The following ANK2 variants were observed in gnomAD, a reference collection of about 807,000 sequenced individuals.
ANK2 encodes the protein ankyrin-2.
In ANK2, 83 loss-of-function variants were observed where a neutral mutation model predicts 360.5. That is an observed-to-expected ratio of 0.23 (90% CI 0.19 to 0.28). The LOEUF (loss-of-function observed/expected upper bound fraction) is 0.28. ANK2 is among the 10% of genes least tolerant of loss of function. The pLI, the probability that ANK2 is intolerant of heterozygous loss-of-function variation, is 1.00. For synonymous variants in ANK2, 1,740 were observed against 1,759.5 expected (o/e 0.99, Z 0.28); for missense variants, 4,201 against 4,795.7 (o/e 0.88, Z 3.66).
intron 26 of ANK2, among the ~76,000 whole-genome samples, chr4:113,324,887 A>G (rs774119224): frequency 1.3e-5 from 2 of 152,180 alleles, no homozygotes; most frequent in Non-Finnish European, 2.9e-5. Context: ...TAAAAATAAA[A>G]CTAAAGGAAT....
intron 31 of ANK2, among the ~76,000 whole-genome samples, chr4:113,337,235 C>CA (rs2093659088): frequency 6.6e-6 from 1 of 152,144 alleles, no homozygotes; most frequent in African/African-American, 2.4e-5. Context: ...TAGTTCAAAC[C>CA]AAACTGTTAT....
chr4:113,352,717 G>T (rs191872171), intron 37 of ANK2, among the ~76,000 whole-genome samples: 1 of 151,014 alleles, frequency 6.6e-6, no homozygotes, highest in Non-Finnish European at 1.5e-5. Flanking sequence ...ATTTCACTGC[G>T]TTCTTTGTTT....
chr4:112,853,424 C>A (rs1463498629), intron 1 of ANK2, among the ~76,000 whole-genome samples: 2 of 151,814 alleles, frequency 1.3e-5, no homozygotes, highest in Non-Finnish European at 1.5e-5. Context: ...TTGTCTTGAG[C>A]TTTTGGGCTC....
intron 2 of ANK2, among the ~76,000 whole-genome samples, chr4:113,026,832 G>T (rs990514689): frequency 5.3e-5 from 8 of 152,084 alleles, no homozygotes; most frequent in Admixed American, 5.2e-4. Flanking sequence ...GATTAGTATA[G>T]GGAAGAAGCA....
intron 2 of ANK2, among the ~76,000 whole-genome samples, chr4:112,984,250 C>G (rs2044105113): frequency 6.6e-6 from 1 of 152,008 alleles, no homozygotes; most frequent in African/African-American, 2.4e-5. Flanking sequence ...GCGTATTGGT[C>G]CGTTTTCACG....
intron 1 of ANK2, among the ~76,000 whole-genome samples, chr4:112,878,834 A>G (rs1294131618): frequency 1.3e-5 from 2 of 151,714 alleles, no homozygotes; most frequent in Non-Finnish European, 2.9e-5. Context: ...ACGGGGTTTC[A>G]CCGTGGTCTC....
intron 1 of ANK2, among the ~76,000 whole-genome samples, chr4:112,846,743 T>C (rs1056824517): frequency 1.3e-5 from 2 of 152,216 alleles, no homozygotes; most frequent in African/African-American, 2.4e-5. Flanking sequence ...TATATGTTGA[T>C]GATCCCTGCA....
At chr4:113,031,221 A>T (rs1021030962) in intron 2 of ANK2, 8 of 152,096 alleles carry the variant, frequency 5.3e-5, no homozygotes, top group African/African-American at 1.9e-4. Flanking sequence ...GCTATACAAC[A>T]TTAGTATCTG....
At chr4:113,259,159 C>T (rs949311348) in intron 13 of ANK2, among the ~76,000 whole-genome samples, 3 of 152,026 alleles carry the variant, frequency 2.0e-5, no homozygotes, top group Non-Finnish European at 4.4e-5. Flanking sequence ...CCCCTTTAAA[C>T]TTTGGTCATT....
At chr4:112,957,702 C>A (rs868438615) in intron 2 of ANK2, among the ~76,000 whole-genome samples, 1,811 of 149,862 alleles carry the variant, frequency 0.012, 21 homozygotes, top group African/African-American at 0.041. Context: ...GCTGACCCCC[C>A]CACCTCCCTC....
the ANK2 span, among the ~76,000 whole-genome samples, chr4:112,784,020 A>G: frequency 6.6e-6 from 1 of 152,302 alleles, no homozygotes; most frequent in Admixed American, 6.5e-5. Context: ...GTGAAAATAC[A>G]TGAACTAAAG....
chr4:113,140,366 G>C (rs1253362610), intron 1 of ANK2, among the ~76,000 whole-genome samples: 1 of 152,120 alleles, frequency 6.6e-6, no homozygotes, highest in Admixed American at 6.5e-5. Context: ...CAAGGAGAAG[G>C]GCAGACAGTA....
At chr4:112,754,349 AT>A in the ANK2 span, among the ~76,000 whole-genome samples, 1 of 151,436 alleles carries the variant, frequency 6.6e-6, no homozygotes, top group East Asian at 1.9e-4. Flanking sequence ...TTGCCATAAA[AT>A]AAAATATTTG....
chr4:113,050,659 A>G (rs2066562469), intron 1 of ANK2, among the ~76,000 whole-genome samples: 1 of 152,192 alleles, frequency 6.6e-6, no homozygotes, highest in Non-Finnish European at 1.5e-5. Context: ...CTCTATAAAT[A>G]AATTCTCCTA....
intron 29 of ANK2, 55 bp from the exon 30 acceptor site, chr4:113,335,791 C>A: frequency 6.5e-7 from 1 of 1,538,534 alleles, no homozygotes; most frequent in Non-Finnish European, 9.0e-7. Context: ...GGCTAGAATG[C>A]TGTTAGAAGG....
At chr4:113,334,002 C>A (rs761536839) in intron 29 of ANK2, among the ~76,000 whole-genome samples, 11 of 152,132 alleles carry the variant, frequency 7.2e-5, no homozygotes, top group Non-Finnish European at 1.5e-4. Context: ...AGTAACTACA[C>A]AAATAGGGCA....
intron 24 of ANK2, among the ~76,000 whole-genome samples, chr4:113,315,098 G>T (rs968881132): frequency 6.6e-6 from 1 of 151,656 alleles, no homozygotes; most frequent in African/African-American, 2.4e-5. Context: ...TTTCTTTCCT[G>T]TTGGGGTTTT....
chr4:112,969,120 G>A (rs547450528), intron 2 of ANK2, among the ~76,000 whole-genome samples: 16 of 152,114 alleles, frequency 1.1e-4, no homozygotes, highest in Non-Finnish European at 2.2e-4. Context: ...GGTTCTAGGA[G>A]GTATTTTCCA....
rs139797180 is a variant in ANK2 at position 113,369,719 on chromosome 4, C to T, written c.11524C>T (p.Arg3842Trp). The change falls in exon 43 of 46, where the codon CGG becomes TGG. Residue 3842 changes from arginine to tryptophan, a missense_variant. Coordinates refer to ENST00000357077, the MANE Select transcript of ANK2 (RefSeq NM_001148.6). ...PSEHREESSP[R>W]KTSLVIVESA... ...AGAGCACAGAGAGGAGAGCTCTCCGCGGAAAACCAGCCTCGTAATAGTGGA... is the reference window on the plus strand; with the variant it reads ...AGAGCACAGAGAGGAGAGCTCTCCGTGGAAAACCAGCCTCGTAATAGTGGA... 289 of 1,614,062 alleles carry T rather than the reference C, an allele frequency of 1.8e-4. 1 individual carries two copies. The African/African-American group carries it at 3.2e-3, about 18-fold the overall frequency.
Sources: gnomAD v4.1 joint callset for allele counts (sites outside exome capture counted in the v4.1 genomes callset) on GRCh38, gnomAD v4.1.1 for gene constraint, MANE v1.5 for transcripts, NCBI Gene and HGNC (gene_info 2026-07-23, HGNC 2026-07-21) for gene names.